Variants in ATP11C observed in about 807,000 individuals in gnomAD.
ATP11C encodes ATPase phospholipid transporting 11C (ATP11C blood group).
A neutral mutation model predicts 97.4 loss-of-function variants in ATP11C; 36 were observed. The observed-to-expected ratio is 0.37, with a 90% CI of 0.28 to 0.49. The LOEUF is 0.49. ATP11C is among the 20% of genes least tolerant of loss of function. The probability of loss-of-function intolerance (pLI) is 0.98; values close to 1 mark genes in which losing one functional copy is unlikely to be tolerated. For synonymous variants in ATP11C, 275 were observed against 290.9 expected (o/e 0.95, Z 0.56); for missense variants, 730 against 824.6 (o/e 0.89, Z 1.40).
At chrX:139,793,612 C>T (rs1307866855) in intron 12 of ATP11C, among the ~76,000 whole-genome samples, 2 of 111,191 alleles carry the variant, frequency 1.8e-5, no homozygotes, top group African/African-American at 6.5e-5. Context: ...AACTTTGTGA[C>T]CTTAGGAAAA....
chrX:139,903,496 C>T (rs1004597337), intron 1 of ATP11C, among the ~76,000 whole-genome samples: 6 of 109,546 alleles, frequency 5.5e-5, no homozygotes, highest in Admixed American at 4.9e-4. Context: ...TGGAGGGTGG[C>T]AACCCCAGGA....
At position 139,796,268 on chromosome X, in the gene ATP11C, C is replaced by G; in HGVS notation, c.1206+5G>C. 2.6e-6 allele frequency: 3 copies of G among 1,174,506 alleles called. No individual in the cohort carries two copies. Among genetic ancestry groups the G allele is most frequent in the Non-Finnish European group, 3.4e-6 (3 of 874,974 alleles). On this transcript the variant is annotated splice_donor_5th_base_variant and intron_variant, in intron 12 of 29. Coordinates refer to ENST00000682941, the MANE Select transcript of ATP11C (RefSeq NM_001353812.2). ...AAATTATTTTAAGTAAAACAATGCT[C>G]TAACCTGACCAAGTTCTTCATTAAG...
Position 139,774,744 on chromosome X carries a change from T to C in ATP11C, c.2162A>G (p.Glu721Gly), listed in dbSNP as rs769314385. ...KEDRLHELLI[E>G]YRKKLLHEFP... Reference sequence around the variant, plus strand: ...CTCATGCAGCAATTTCTTGCGATATTCTATCAATAATTCATGTAATCGATC... The same window carrying C: ...CTCATGCAGCAATTTCTTGCGATATCCTATCAATAATTCATGTAATCGATC... The change falls in exon 19 of 30, where the codon GAA becomes GGA. Residue 721 changes from glutamate (E) to glycine (G), a missense_variant. Coordinates refer to ENST00000682941, the MANE Select transcript of ATP11C (RefSeq NM_001353812.2). 5 of 1,210,484 alleles carry C rather than the reference T, an allele frequency of 4.1e-6. No homozygotes were observed. The South Asian group carries it at 8.8e-5, about 21-fold the overall frequency.
chrX:139,837,007 C>CACAT (rs1177422976), intron 1 of ATP11C, among the ~76,000 whole-genome samples: 1 of 111,014 alleles, frequency 9.0e-6, no homozygotes, highest in Non-Finnish European at 1.9e-5. Context: ...AACACACACA[C>CACAT]ACATACACAC....
chrX:139,896,217 G>A (rs1256303306), intron 1 of ATP11C, among the ~76,000 whole-genome samples: 1 of 110,947 alleles, frequency 9.0e-6, no homozygotes, highest in Non-Finnish European at 1.9e-5. Flanking sequence ...TAAGCCTGTT[G>A]ACACTATGTA....
upstream of ATP11C, among the ~76,000 whole-genome samples, chrX:139,936,460 G>C (rs1232387661): frequency 9.0e-6 from 1 of 111,226 alleles, no homozygotes; most frequent in African/African-American, 3.3e-5. Flanking sequence ...TGCCTAAACT[G>C]TCAGAACCCC....
intron 1 of ATP11C, among the ~76,000 whole-genome samples, chrX:139,841,899 G>A (rs1266716010): frequency 8.9e-6 from 1 of 112,067 alleles, no homozygotes; most frequent in South Asian, 3.7e-4. Context: ...TTTCTTCCTC[G>A]TTCCCCTAGC....
intron 29 of ATP11C, among the ~76,000 whole-genome samples, chrX:139,729,516 T>C (rs1258171627): frequency 8.9e-6 from 1 of 111,791 alleles, no homozygotes; most frequent in East Asian, 2.8e-4. Context: ...CCCCCTACAA[T>C]ATGGAAGTTA....
intron 1 of ATP11C, among the ~76,000 whole-genome samples, chrX:139,852,867 G>A (rs1397111202): frequency 9.0e-6 from 1 of 111,182 alleles, no homozygotes; most frequent in Non-Finnish European, 1.9e-5. Flanking sequence ...GAAAAGGGGG[G>A]AAACAGGTCA....
rs1211400855 is a variant in ATP11C at position 139,845,816 on chromosome X, A to G, written c.28-18993T>C. On this transcript the variant is annotated intron_variant, in intron 1 of 29. Coordinates refer to ENST00000682941, the MANE Select transcript of ATP11C (RefSeq NM_001353812.2). Reference sequence around the variant, plus strand: ...CATCATTCTTACAGCTAAAACCTTTAAATCTTTGGAATCACTTTTAAAACA... The same window carrying G: ...CATCATTCTTACAGCTAAAACCTTTGAATCTTTGGAATCACTTTTAAAACA... Among the ~76,000 whole-genome samples, 3 of 112,374 alleles carry G rather than the reference A, an allele frequency of 2.7e-5. No individual in the cohort carries two copies. In the East Asian group the frequency reaches 8.3e-4, roughly 31 times the overall value.
chrX:139,823,390 T>C (rs1397848187), intron 2 of ATP11C, among the ~76,000 whole-genome samples: 1 of 112,265 alleles, frequency 8.9e-6, no homozygotes, highest in African/African-American at 3.2e-5. Flanking sequence ...AAACCAAAAC[T>C]TTATAAACTT....
At position 139,728,037 on chromosome X, in the gene ATP11C, T is replaced by C. The variant is rs960075340; in HGVS notation, c.*929A>G. ...AAACCGTCAAAAGTTTAAAATAAGC[T>C]ATATTTCTTCCTCTTCACATAAAAT... On this transcript the variant is annotated 3_prime_UTR_variant, in exon 30 of 30. Coordinates refer to ENST00000682941, the MANE Select transcript of ATP11C (RefSeq NM_001353812.2). The C allele has an allele frequency of 2.7e-5, 3 of 112,366 alleles. No individual in the cohort carries two copies. The highest frequency in any genetic ancestry group is 9.7e-5 in the African/African-American group (3 of 30,939). The allele number at this position is 112,366 out of a possible 1,213,427, so 9.3% of individuals were successfully genotyped here.
At position 139,770,888 on chromosome X, in the gene ATP11C, C is replaced by G. The variant is rs144660149; in HGVS notation, c.2217-2454G>C. 4.3e-3 allele frequency among the ~76,000 whole-genome samples: 475 copies of G among 111,717 alleles called. 1 individual carries two copies. The highest frequency in any genetic ancestry group is 0.012 in the East Asian group (44 of 3,547). ...GCAAATTCATGCTGAAGCCCTACCC[C>G]CAATGTGATTGTATTTGAAGATAGC... On this transcript the variant is annotated intron_variant, in intron 19 of 29. Transcript: ENST00000682941.
Position 139,749,394 on chromosome X carries a change from T to C in ATP11C, c.2828+631A>G, listed in dbSNP as rs183497046. On this transcript the variant is annotated intron_variant, in intron 24 of 29. Transcript: ENST00000682941. ...ATTTAGCAATGCTTACAATCTGCTA[T>C]AAATTAATATCTTTATCCTTAGCTG... Among the ~76,000 whole-genome samples, 4 of 112,331 alleles carry C rather than the reference T, an allele frequency of 3.6e-5. No homozygotes were observed. In the East Asian group the frequency reaches 1.1e-3, roughly 32 times the overall value.
chrX:139,761,657 G>C (rs1453176366), intron 22 of ATP11C, among the ~76,000 whole-genome samples: 1 of 111,294 alleles, frequency 9.0e-6, no homozygotes, highest in Non-Finnish European at 1.9e-5. Flanking sequence ...TTGGTGTAAT[G>C]GTTACATGGA....
intron 1 of ATP11C, among the ~76,000 whole-genome samples, chrX:139,888,854 G>A (rs2084685982): frequency 9.1e-6 from 1 of 109,741 alleles, no homozygotes; most frequent in Non-Finnish European, 1.9e-5. Flanking sequence ...TGTTGCCCAG[G>A]CTGGAGTGCA....
chrX:139,809,113 TAA>T (rs776614747), intron 5 of ATP11C, among the ~76,000 whole-genome samples: 12 of 93,526 alleles, frequency 1.3e-4, no homozygotes, highest in Admixed American at 3.5e-4. Flanking sequence ...ACTCTTGTCT[TAA>T]AAAAAAAAAA....
intron 1 of ATP11C, among the ~76,000 whole-genome samples, chrX:139,929,897 T>A (rs2148194922): frequency 9.0e-6 from 1 of 111,097 alleles, no homozygotes; most frequent in East Asian, 2.8e-4. Flanking sequence ...CTCCCCCAAA[T>A]TTTGAAGCCG....
chrX:139,730,198 G>C lies in ATP11C; in HGVS notation c.*4-1236C>G, dbSNP rs566096094. 9.0e-5 allele frequency among the ~76,000 whole-genome samples: 10 copies of C among 111,660 alleles called. No individual in the cohort carries two copies. In the South Asian group the frequency reaches 3.7e-3, roughly 42 times the overall value. ...CCTCAGTTCTATGTTAGACATTGTA[G>C]GAGATAAGGCCCTGGAGAGGCCAAA... On this transcript the variant is annotated intron_variant, in intron 29 of 29. Transcript: ENST00000682941.
Sources: allele counts gnomAD v4.1 joint callset (sites outside exome capture counted in the v4.1 genomes callset), GRCh38; gene constraint gnomAD v4.1.1; transcripts MANE v1.5; gene names NCBI Gene and HGNC (gene_info 2026-07-23, HGNC 2026-07-21).